Variants in LRRC3 observed in about 807,000 individuals in gnomAD.
The protein encoded by LRRC3 is leucine-rich repeat-containing protein 3.
For synonymous variants in LRRC3, 172 were observed against 164.1 expected (o/e 1.05, Z -0.37); for missense variants, 351 against 361.6 (o/e 0.97, Z 0.24).
At position 44,462,153 on chromosome 21, in the gene LRRC3, G is replaced by C. The variant is rs1390508293; in HGVS notation, c.*4735G>C. On this transcript the variant is annotated 3_prime_UTR_variant, in exon 2 of 2. Coordinates refer to ENST00000291592, the MANE Select transcript of LRRC3 (RefSeq NM_030891.6). This position sits in a 1 kb window ranked among gnomAD's most constrained non-coding sequence, Gnocchi z 4.2. The stretch of plus-strand genomic sequence containing the variant: ...CCGGTGTCTGTTTCTGTTGTCTCTC[G>C]GCCCTTCTGTGAGCCCTCAGTAAAG... 6.6e-6 allele frequency: 1 copy of C among 152,278 alleles called. No homozygotes were observed. The highest frequency in any genetic ancestry group is 2.4e-5 in the African/African-American group (1 of 41,434). The allele number at this position is 152,278 out of a possible 1,614,324, so 9.4% of individuals were successfully genotyped here.
At position 44,457,526 on chromosome 21, in the gene LRRC3, TC is replaced by T. The variant is rs374789026; in HGVS notation, c.*112del. ...AGGCAGGTGTCACAGCCATGTGTGC[TC>T]CCCACTGTTGCACTCAGGCACAGCA... On this transcript the variant is annotated 3_prime_UTR_variant, in exon 2 of 2. Coordinates refer to ENST00000291592, the MANE Select transcript of LRRC3 (RefSeq NM_030891.6). 4 of 1,278,166 alleles carry T rather than the reference TC, an allele frequency of 3.1e-6. No homozygotes were observed. The highest frequency in any genetic ancestry group is 3.0e-5 in the African/African-American group (2 of 66,730). The allele number at this position is 1,278,166 out of a possible 1,614,324, so 79.2% of individuals were successfully genotyped here.
In LRRC3 at chr21:44,457,369, C is replaced by T. The variant is rs746104105; in HGVS notation, c.725C>T (p.Ser242Phe). 13 of 1,606,638 alleles carry T rather than the reference C, an allele frequency of 8.1e-6. No individual in the cohort carries two copies. The highest frequency in any genetic ancestry group is 1.1e-5 in the Non-Finnish European group (13 of 1,174,834). The change falls in exon 2 of 2, where the codon TCT becomes TTT. Residue 242 changes from serine to phenylalanine, a missense_variant. Transcript: ENST00000291592. ...CGGAGGCACCTGGAGTACCTGAAGT[C>T]TCTGCCCAGCGCCCCCGCCTCCAAG... ...DARRHLEYLK[S>F]LPSAPASKDP... is the part of the protein sequence containing the mutation.
rs1222837978 is a variant in LRRC3, at chr21:44,456,684, G to C, written c.40G>C (p.Val14Leu). The change falls in exon 2 of 2, where the codon GTC becomes CTC. Residue 14 changes from valine to leucine, a missense_variant. Coordinates refer to ENST00000291592, the MANE Select transcript of LRRC3 (RefSeq NM_030891.6). ...CCCACCTCGCCCCTCGCTCCTGCTG[G>C]TCTCCACCCGGGAGTCTTGTCTCTT... The part of the protein sequence containing the change: ...VRPPRPSLLL[V>L]STRESCLFLL... 1 of 1,607,692 alleles carries C rather than the reference G, an allele frequency of 6.2e-7. No homozygotes were observed. Among genetic ancestry groups the C allele is most frequent in the Admixed American group, 1.7e-5 (1 of 59,914 alleles).
chr21:44,456,874 C>T lies in LRRC3; in HGVS notation c.230C>T (p.Ser77Phe). ...VLLKLDANKI[S>F]HLPDGAFQHL... is the part of the protein sequence containing the mutation. ...CTGAAGCTCGATGCCAACAAGATCT[C>T]CCACCTCCCGGACGGGGCCTTCCAG... Residue 77 changes from serine (S) to phenylalanine (F), a missense_variant, in exon 2 of 2, where the codon TCC (serine) becomes TTC (phenylalanine). By Grantham distance (155) the Ser-to-Phe change is radical. Coordinates refer to ENST00000291592, the MANE Select transcript of LRRC3 (RefSeq NM_030891.6). 4 of 1,609,840 alleles carry T rather than the reference C, an allele frequency of 2.5e-6. No individual in the cohort carries two copies. The highest frequency in any genetic ancestry group is 3.4e-6 in the Non-Finnish European group (4 of 1,177,738).
Position 44,456,696 on chromosome 21 carries a change from G to A in LRRC3, c.52G>A (p.Glu18Lys). 1 of 1,609,168 alleles carries A rather than the reference G, an allele frequency of 6.2e-7. No individual in the cohort carries two copies. The highest frequency in any genetic ancestry group is 8.5e-7 in the Non-Finnish European group (1 of 1,179,376). ...RPSLLLVSTR[E>K]SCLFLLFCLH... is the part of the protein sequence containing the mutation. Reference sequence around the variant, plus strand: ...CTCGCTCCTGCTGGTCTCCACCCGGGAGTCTTGTCTCTTCCTCCTCTTCTG... The same window carrying A: ...CTCGCTCCTGCTGGTCTCCACCCGGAAGTCTTGTCTCTTCCTCCTCTTCTG... Residue 18 changes from glutamate (E) to lysine (K), a missense_variant, in exon 2 of 2, where the codon GAG becomes AAG. Physicochemically the swap from Glu to Lys is moderately conservative, Grantham distance 56. Transcript: ENST00000291592.
In LRRC3 at chr21:44,459,330, T is replaced by C. The variant is rs1041672615; in HGVS notation, c.*1912T>C. 6.6e-6 allele frequency: 1 copy of C among 152,252 alleles called. No individual in the cohort carries two copies. Among genetic ancestry groups the C allele is most frequent in the African/African-American group, 2.4e-5 (1 of 41,434 alleles). 9.4% of individuals were successfully genotyped at this position (152,252 alleles called of 1,614,324 possible). On this transcript the variant is annotated 3_prime_UTR_variant, in exon 2 of 2. Transcript: ENST00000291592. ...GACACAGCAGAGTGCCCTGGGCCCG[T>C]GGGGATTTCCTTCCAGAGGACACGT... is the stretch of plus-strand genomic sequence containing the variant.
Position 44,461,426 on chromosome 21 carries a change from C to T in LRRC3, c.*4008C>T, listed in dbSNP as rs1202310300. 1.3e-5 allele frequency: 2 copies of T among 152,550 alleles called. No individual in the cohort carries two copies. The highest frequency in any genetic ancestry group is 1.9e-4 in the East Asian group (1 of 5,170). The allele number at this position is 152,550 out of a possible 1,614,324, so 9.4% of individuals were successfully genotyped here. A position where few individuals can be genotyped will look rare whatever the true frequency, so the allele number is the denominator to read the frequency against. ...CAGGGGCTGCTGGCAGGAGGGGAACCGGGGACCACCTCCCGCCACAGAGCC... is the reference window on the plus strand; with the variant it reads ...CAGGGGCTGCTGGCAGGAGGGGAACTGGGGACCACCTCCCGCCACAGAGCC... On this transcript the variant is annotated 3_prime_UTR_variant, in exon 2 of 2. Coordinates refer to ENST00000291592, the MANE Select transcript of LRRC3 (RefSeq NM_030891.6).
In LRRC3 at chr21:44,457,112, C is replaced by G; in HGVS notation, c.468C>G (p.Ala156=). The change falls in exon 2 of 2, where the codon GCC becomes GCG. Residue 156 remains alanine, a synonymous_variant. Transcript: ENST00000291592. ...ACTGCGAGTGCGCCCTGCAGGAGGC[C>G]CTGTGGGAGCTGAAGCTGGACCCCG... ...PLHCECALQE[A]LWELKLDPDS... 6.2e-7 allele frequency: 1 copy of G among 1,612,168 alleles called. No homozygotes were observed. The highest frequency in any genetic ancestry group is 8.5e-7 in the Non-Finnish European group (1 of 1,180,010).
Position 44,462,087 on chromosome 21 carries a change from G to C in LRRC3, c.*4669G>C, listed in dbSNP as rs1475239608. On this transcript the variant is annotated 3_prime_UTR_variant, in exon 2 of 2. Coordinates refer to ENST00000291592, the MANE Select transcript of LRRC3 (RefSeq NM_030891.6). The surrounding 1 kb of genome is among the most constrained non-coding windows in gnomAD (Gnocchi z 4.2). Reference sequence around the variant, plus strand: ...TGGATCCTGAACTGTGTAACCTGGAGAGGCAGGTGTGAGCGGGCCATGCTG... The same window carrying C: ...TGGATCCTGAACTGTGTAACCTGGACAGGCAGGTGTGAGCGGGCCATGCTG... 6.6e-6 allele frequency: 1 copy of C among 152,336 alleles called. No individual in the cohort carries two copies. Among genetic ancestry groups the C allele is most frequent in the Non-Finnish European group, 1.5e-5 (1 of 68,096 alleles). 9.4% of individuals were successfully genotyped at this position (152,336 alleles called of 1,614,324 possible).
intron 1 of LRRC3, 68 bp from the exon 2 acceptor site, chr21:44,456,430 G>T: frequency 1.7e-6 from 1 of 580,588 alleles, no homozygotes; most frequent in South Asian, 2.2e-5. Flanking sequence ...CGTTTCCCAG[G>T]TGACCGCAGC....
At chr21:44,455,876 CTCTGTTT>C (rs2051695347) in intron 1 of LRRC3, among the ~76,000 whole-genome samples, 1 of 152,050 alleles carries the variant, frequency 6.6e-6, no homozygotes, top group Admixed American at 6.5e-5. Flanking sequence ...GGCTTGGCTT[CTCTGTTT>C]TCTCGGTTTC....
chr21:44,456,695 G>T lies in LRRC3; in HGVS notation c.51G>T (p.Arg17=). ...PRPSLLLVST[R]ESCLFLLFCL... ...CCTCGCTCCTGCTGGTCTCCACCCG[G>T]GAGTCTTGTCTCTTCCTCCTCTTCT... Residue 17 remains arginine, a synonymous_variant, in exon 2 of 2, where the codon CGG becomes CGT. Transcript: ENST00000291592. The T allele has an allele frequency of 6.2e-7, 1 of 1,609,046 alleles. No individual in the cohort carries two copies.
At position 44,457,504 on chromosome 21, in the gene LRRC3, C is replaced by T; in HGVS notation, c.*86C>T. ...ATGCTGCTTTTGCTCTTCCCTGAGG[C>T]AGGTGTCACAGCCATGTGTGCTCCC... On this transcript the variant is annotated 3_prime_UTR_variant, in exon 2 of 2. Coordinates refer to ENST00000291592, the MANE Select transcript of LRRC3 (RefSeq NM_030891.6). 2.1e-6 allele frequency: 3 copies of T among 1,413,376 alleles called. No individual in the cohort carries two copies. The allele number at this position is 1,413,376 out of a possible 1,614,324, so 87.6% of individuals were successfully genotyped here. A position where few individuals can be genotyped will look rare whatever the true frequency, so the allele number is the denominator to read the frequency against.
In LRRC3 at chr21:44,458,286, C is replaced by T. The variant is rs2051721522; in HGVS notation, c.*868C>T. 2 of 153,860 alleles carry T rather than the reference C, an allele frequency of 1.3e-5. No individual in the cohort carries two copies. The highest frequency in any genetic ancestry group is 1.3e-4 in the Admixed American group (2 of 15,284). 9.5% of individuals were successfully genotyped at this position (153,860 alleles called of 1,614,324 possible). A position where few individuals can be genotyped will look rare whatever the true frequency, so the allele number is the denominator to read the frequency against. ...TCAATCACTTCTGCTGCCTCAGCCT[C>T]CCTAGTAGCTGGAATTACAGGCATG... On this transcript the variant is annotated 3_prime_UTR_variant, in exon 2 of 2. Coordinates refer to ENST00000291592, the MANE Select transcript of LRRC3 (RefSeq NM_030891.6).
rs1331802524 is a variant in LRRC3 at position 44,458,220 on chromosome 21, C to G, written c.*802C>G. The G allele has an allele frequency of 6.4e-6, 1 of 156,546 alleles. No individual in the cohort carries two copies. Among genetic ancestry groups the G allele is most frequent in the Non-Finnish European group, 1.5e-5 (1 of 68,118 alleles). 9.7% of individuals were successfully genotyped at this position (156,546 alleles called of 1,614,324 possible). Reference sequence around the variant, plus strand: ...TGTGCCTGATGCGGGAGGCCCTGCCCCAGGGCGATCTCAGCTCACTGCAAC... The same window carrying G: ...TGTGCCTGATGCGGGAGGCCCTGCCGCAGGGCGATCTCAGCTCACTGCAAC... On this transcript the variant is annotated 3_prime_UTR_variant, in exon 2 of 2. Transcript: ENST00000291592.
At position 44,457,590 on chromosome 21, in the gene LRRC3, T is replaced by A; in HGVS notation, c.*172T>A. 3 of 677,272 alleles carry A rather than the reference T, an allele frequency of 4.4e-6. No individual in the cohort carries two copies. The highest frequency in any genetic ancestry group is 1.8e-5 in the African/African-American group (1 of 54,892). 42.0% of individuals were successfully genotyped at this position (677,272 alleles called of 1,614,324 possible). A position where few individuals can be genotyped will look rare whatever the true frequency, so the allele number is the denominator to read the frequency against. ...TGGGTGGTTTTGCCACACATCCGTG[T>A]GACGGATGAGGAACCTGAAGCTTAG... On this transcript the variant is annotated 3_prime_UTR_variant, in exon 2 of 2. Coordinates refer to ENST00000291592, the MANE Select transcript of LRRC3 (RefSeq NM_030891.6).
chr21:44,461,747 G>A lies in LRRC3; in HGVS notation c.*4329G>A, dbSNP rs142217894. 9 of 152,414 alleles carry A rather than the reference G, an allele frequency of 5.9e-5. No individual in the cohort carries two copies. Among genetic ancestry groups the A allele is most frequent in the Non-Finnish European group, 8.8e-5 (6 of 68,112 alleles). The allele number at this position is 152,414 out of a possible 1,614,324, so 9.4% of individuals were successfully genotyped here. ...GCTGCCGTCTTGGGCAGCTCCTCCCGGGTGTCTGCAAAATGCAGAGGTCAC... is the reference window on the plus strand; with the variant it reads ...GCTGCCGTCTTGGGCAGCTCCTCCCAGGTGTCTGCAAAATGCAGAGGTCAC... On this transcript the variant is annotated 3_prime_UTR_variant, in exon 2 of 2. Coordinates refer to ENST00000291592, the MANE Select transcript of LRRC3 (RefSeq NM_030891.6).
rs148505045 is a variant in LRRC3, at chr21:44,456,842, C to T, written c.198C>T (p.Thr66=). The T allele has an allele frequency of 1.1e-4, 170 of 1,611,294 alleles. No individual in the cohort carries two copies. Among genetic ancestry groups the T allele is most frequent in the East Asian group, 2.5e-4 (11 of 44,808 alleles). Residue 66 remains threonine (T), a synonymous_variant, in exon 2 of 2, where the codon ACC becomes ACT. Coordinates refer to ENST00000291592, the MANE Select transcript of LRRC3 (RefSeq NM_030891.6). ...TCCCCGAGGACATCCCGGCCAACAC[C>T]GTGCTCCTGAAGCTCGATGCCAACA... The part of the protein sequence containing the change: ...QEVPEDIPAN[T]VLLKLDANKI...
rs2051730313 is a variant in LRRC3 at position 44,459,582 on chromosome 21, G to A, written c.*2164G>A. 6.6e-6 allele frequency: 1 copy of A among 152,270 alleles called. No homozygotes were observed. Among genetic ancestry groups the A allele is most frequent in the African/African-American group, 2.4e-5 (1 of 41,434 alleles). 9.4% of individuals were successfully genotyped at this position (152,270 alleles called of 1,614,324 possible). A position where few individuals can be genotyped will look rare whatever the true frequency, so the allele number is the denominator to read the frequency against. On this transcript the variant is annotated 3_prime_UTR_variant, in exon 2 of 2. Transcript: ENST00000291592. ...CCAAGGAGAGTGTGAACTGAGGCCTGGGTGGTGAAGGCAGGGCCTCTCCTC... is the reference window on the plus strand; with the variant it reads ...CCAAGGAGAGTGTGAACTGAGGCCTAGGTGGTGAAGGCAGGGCCTCTCCTC...
Sources: allele counts gnomAD v4.1 joint callset (sites outside exome capture counted in the v4.1 genomes callset), GRCh38; gene constraint gnomAD v4.1.1; non-coding constraint Gnocchi (gnomAD v3.1); transcripts MANE v1.5; gene names NCBI Gene and HGNC (gene_info 2026-07-23, HGNC 2026-07-21).